Variants in ADCY8 observed in about 807,000 individuals in gnomAD.
ADCY8 encodes adenylate cyclase type 8.
Under a neutral mutation model 119.7 loss-of-function variants are expected in ADCY8, and 51 were observed. The ratio of observed to expected loss-of-function variants is 0.43; its 90% CI spans 0.34 to 0.54. The LOEUF (loss-of-function observed/expected upper bound fraction) is 0.54, where lower values mean the gene tolerates loss of function less well. Among genes scored for constraint, ADCY8 ranks in the 20% least tolerant of loss-of-function variants. The pLI is 0.03. For synonymous variants in ADCY8, 665 were observed against 651.0 expected (o/e 1.02, Z -0.33); for missense variants, 1,383 against 1,598.8 (o/e 0.87, Z 2.30).
chr8:130,818,801 G>A (rs1816422309), intron 13 of ADCY8, among the ~76,000 whole-genome samples: 1 of 152,186 alleles, frequency 6.6e-6, no homozygotes, highest in Admixed American at 6.5e-5. Flanking sequence ...CCCTATCACA[G>A]GGAGGCAGTG....
At chr8:130,859,641 C>G (rs926899027) in intron 9 of ADCY8, among the ~76,000 whole-genome samples, 9 of 152,172 alleles carry the variant, frequency 5.9e-5, no homozygotes, top group Non-Finnish European at 1.0e-4. Context: ...ATCCCCTAAA[C>G]TCCTAAATAA....
chr8:131,007,791 G>C lies in ADCY8; in HGVS notation c.961-17249C>G, dbSNP rs184328575. On this transcript the variant is annotated intron_variant, in intron 1 of 17. Transcript: ENST00000286355. Reference sequence around the variant, plus strand: ...ACACTGAGGGTACAAATATGATCATGATAGATGATCTCCCTGCCCTCAAGT... The same window carrying C: ...ACACTGAGGGTACAAATATGATCATCATAGATGATCTCCCTGCCCTCAAGT... 1.5e-3 allele frequency among the ~76,000 whole-genome samples: 228 copies of C among 152,330 alleles called. 1 individual carries two copies. The highest frequency in any genetic ancestry group is 0.01 in the Middle Eastern group (3 of 294).
At chr8:130,948,645 TAA>T (rs34700138) in intron 3 of ADCY8, among the ~76,000 whole-genome samples, 2,176 of 91,146 alleles carry the variant, frequency 0.024, 62 homozygotes, top group African/African-American at 0.06. Context: ...TCTTCAAAAT[TAA>T]AAAAAAAAAA....
At chr8:130,793,235 C>A (rs1460405892) in intron 15 of ADCY8, among the ~76,000 whole-genome samples, 2 of 152,158 alleles carry the variant, frequency 1.3e-5, no homozygotes, top group African/African-American at 4.8e-5. Context: ...CTCCTCCAGG[C>A]CTCTCAGTAA....
intron 7 of ADCY8, among the ~76,000 whole-genome samples, chr8:130,887,070 C>G (rs1458868405): frequency 6.6e-6 from 1 of 151,926 alleles, no homozygotes; most frequent in South Asian, 2.1e-4. Flanking sequence ...AAATAACTAT[C>G]TACTTTGTCC....
At chr8:130,972,565 C>T (rs891517776) in intron 2 of ADCY8, among the ~76,000 whole-genome samples, 7 of 152,128 alleles carry the variant, frequency 4.6e-5, no homozygotes, top group Admixed American at 1.3e-4. Flanking sequence ...GGAATAGCTT[C>T]CCGAGTCTGA....
rs570647151 is a variant in ADCY8 at position 130,959,029 on chromosome 8, G to A, written c.1111-7031C>T. 5.0e-4 allele frequency among the ~76,000 whole-genome samples: 76 copies of A among 152,162 alleles called. No homozygotes were observed. The Middle Eastern group carries it at 0.01, about 20-fold the overall frequency. On this transcript the variant is annotated intron_variant, in intron 2 of 17. Transcript: ENST00000286355. ...TTTGTTGTAGGATTTCTGTAATTACGAACTTGATTTAACTGATCCTTGTCT... is the reference window on the plus strand; with the variant it reads ...TTTGTTGTAGGATTTCTGTAATTACAAACTTGATTTAACTGATCCTTGTCT...
intron 13 of ADCY8, among the ~76,000 whole-genome samples, chr8:130,816,985 CAG>C (rs1816367688): frequency 6.6e-6 from 1 of 152,038 alleles, no homozygotes; most frequent in Non-Finnish European, 1.5e-5. Flanking sequence ...TGAACCTACA[CAG>C]AGAGGAACTA....
At chr8:130,922,049 G>A (rs933172733) in intron 5 of ADCY8, among the ~76,000 whole-genome samples, 14 of 152,026 alleles carry the variant, frequency 9.2e-5, no homozygotes, top group Non-Finnish European at 1.8e-4. Context: ...GAAGAGGCTT[G>A]AGCCAGCACA....
Position 130,780,440 on chromosome 8 carries a change from T to C in ADCY8, c.3706A>G (p.Thr1236Ala). ...CCTTCAGCCTGGGCTCCAGGCTCTG[T>C]GCCGCTGGGTGACAACAAAGTCCGC... The part of the protein sequence containing the change: ...NRRTLLSPSG[T>A]EPGAQAEGTD... The change falls in exon 18 of 18, where the codon ACA (threonine) becomes GCA (alanine). Residue 1236 changes from threonine (T) to alanine (A), a missense_variant. Thr to Ala is a moderately conservative substitution (Grantham distance 58). This residue lies in a region of ADCY8 where 928 missense variants were observed against 1,163.5 expected (regional missense o/e 0.80). Transcript: ENST00000286355. 6.2e-7 allele frequency: 1 copy of C among 1,613,730 alleles called. No individual in the cohort carries two copies. The highest frequency in any genetic ancestry group is 1.1e-5 in the South Asian group (1 of 91,056).
chr8:130,975,310 C>G (rs557229984), intron 2 of ADCY8, among the ~76,000 whole-genome samples: 2 of 152,204 alleles, frequency 1.3e-5, no homozygotes, highest in Admixed American at 6.5e-5. Context: ...AAAGAACATG[C>G]GTACTTGACT....
At chr8:130,997,186 C>A (rs1205604394) in intron 1 of ADCY8, among the ~76,000 whole-genome samples, 1 of 151,848 alleles carries the variant, frequency 6.6e-6, no homozygotes, top group African/African-American at 2.4e-5. Flanking sequence ...ACATACAAAT[C>A]TATAAATTCA....
intron 17 of ADCY8, among the ~76,000 whole-genome samples, chr8:130,781,402 C>G (rs1234005202): frequency 6.6e-6 from 1 of 152,210 alleles, no homozygotes; most frequent in Non-Finnish European, 1.5e-5. Context: ...TTCCCTTGAG[C>G]TCATCCTCCA....
chr8:131,017,823 G>GA lies in ADCY8; in HGVS notation c.960+21550dup, dbSNP rs34885480. Among the ~76,000 whole-genome samples the GA allele has an allele frequency of 3.0e-3, 444 of 148,828 alleles. 1 individual carries two copies. Among genetic ancestry groups the GA allele is most frequent in the African/African-American group, 9.6e-3 (388 of 40,548 alleles). Reference sequence around the variant, plus strand: ...TGGCAGAGAAGTATGCCATGTAAGAGAAAAAAAAAAAATCCCACTAGGAGA... The same window carrying GA: ...TGGCAGAGAAGTATGCCATGTAAGAGAAAAAAAAAAAAATCCCACTAGGAGA... On this transcript the variant is annotated intron_variant, in intron 1 of 17. Transcript: ENST00000286355.
intron 2 of ADCY8, among the ~76,000 whole-genome samples, chr8:130,960,834 T>C (rs1327661798): frequency 6.6e-6 from 1 of 152,144 alleles, no homozygotes; most frequent in African/African-American, 2.4e-5. Flanking sequence ...TATATGATCA[T>C]ATGTCCAGTG....
At chr8:131,024,831 TACTC>T (rs1337981539) in intron 1 of ADCY8, among the ~76,000 whole-genome samples, 1 of 152,208 alleles carries the variant, frequency 6.6e-6, no homozygotes, top group East Asian at 1.9e-4. Context: ...GCTAAATCAT[TACTC>T]ATAATTCTCT....
At chr8:130,787,291 T>C (rs879307211) in intron 15 of ADCY8, among the ~76,000 whole-genome samples, 1 of 152,076 alleles carries the variant, frequency 6.6e-6, no homozygotes, top group Non-Finnish European at 1.5e-5. Flanking sequence ...GCAATGACAA[T>C]GGCTTGGGTT....
chr8:130,863,181 CGTT>C (rs1354141384), intron 9 of ADCY8, among the ~76,000 whole-genome samples: 4 of 149,978 alleles, frequency 2.7e-5, no homozygotes, highest in Non-Finnish European at 6.0e-5. Flanking sequence ...TCATATTGCT[CGTT>C]CTTCTTAGAG....
intron 2 of ADCY8, among the ~76,000 whole-genome samples, chr8:130,968,713 G>T (rs1490320928): frequency 6.6e-6 from 1 of 152,152 alleles, no homozygotes; most frequent in Non-Finnish European, 1.5e-5. Context: ...GTCTGATATA[G>T]CAACAATTCT....
Sources: allele counts gnomAD v4.1 joint callset (sites outside exome capture counted in the v4.1 genomes callset), GRCh38; gene constraint gnomAD v4.1.1; regional missense constraint gnomAD v4.1.1; transcripts MANE v1.5; gene names NCBI Gene and HGNC (gene_info 2026-07-23, HGNC 2026-07-21).